KCNQ1: variants seen among roughly 807,000 people sequenced by gnomAD.
KCNQ1 encodes the protein potassium voltage-gated channel subfamily KQT member 1.
In KCNQ1, 49 loss-of-function variants were observed where a neutral mutation model predicts 72.4. The ratio of observed to expected loss-of-function variants is 0.68; its 90% CI spans 0.54 to 0.86. The LOEUF is 0.86. KCNQ1 is among the 40% of genes least tolerant of loss of function. The pLI, the probability that KCNQ1 is intolerant of heterozygous loss-of-function variation, is 0.00. For synonymous variants in KCNQ1, 450 were observed against 412.6 expected (o/e 1.09, Z -1.10); for missense variants, 790 against 945.1 (o/e 0.84, Z 2.15).
At chr11:2,472,379 GGTGT>G (rs200648241) in intron 1 of KCNQ1, among the ~76,000 whole-genome samples, 2,318 of 150,844 alleles carry the variant, frequency 0.015, 18 homozygotes, top group Non-Finnish European at 0.021. Flanking sequence ...TGTCTGTATA[GGTGT>G]GTGTGTTTGT....
intron 11 of KCNQ1, among the ~76,000 whole-genome samples, chr11:2,701,792 G>A (rs980676594): frequency 6.6e-6 from 1 of 152,116 alleles, no homozygotes; most frequent in African/African-American, 2.4e-5. Context: ...ATTATTCTCT[G>A]CCCCTGACCA....
chr11:2,650,923 C>A (rs1269638427), intron 10 of KCNQ1: 1 of 398,492 alleles, frequency 2.5e-6, no homozygotes, highest in Admixed American at 4.4e-5. Context: ...GGCTGAAAGT[C>A]TTTTTTAAAT....
rs979629265 is a variant in KCNQ1, at chr11:2,457,611, A to G, written c.386+12127A>G. Among the ~76,000 whole-genome samples the G allele has an allele frequency of 6.6e-6, 1 of 151,040 alleles. No homozygotes were observed. Among genetic ancestry groups the G allele is most frequent in the African/African-American group, 2.5e-5 (1 of 40,476 alleles). On this transcript the variant is annotated intron_variant, in intron 1 of 15. Transcript: ENST00000155840. The surrounding 1 kb of genome is among the most constrained non-coding windows in gnomAD (Gnocchi z 5.0). ...GGACATAATGATGAGAACAAGAGAC[A>G]CTGGGGAATACAAGAGTGGGGAGGG...
chr11:2,588,337 C>G lies in KCNQ1; in HGVS notation c.1252-376C>G, dbSNP rs1331888304. ...CCCCCAGATTTCCACACAGCCTGCTCCCTCACTTCAGGCGCCCTCTTCATG... is the reference window on the plus strand; with the variant it reads ...CCCCCAGATTTCCACACAGCCTGCTGCCTCACTTCAGGCGCCCTCTTCATG... On this transcript the variant is annotated intron_variant, in intron 9 of 15. Coordinates refer to ENST00000155840, the MANE Select transcript of KCNQ1 (RefSeq NM_000218.3). This position sits in a 1 kb window ranked among gnomAD's most constrained non-coding sequence, Gnocchi z 5.6. Among the ~76,000 whole-genome samples the G allele has an allele frequency of 2.0e-5, 3 of 152,174 alleles. No individual in the cohort carries two copies. Among genetic ancestry groups the G allele is most frequent in the Non-Finnish European group, 4.4e-5 (3 of 68,020 alleles).
At chr11:2,596,152 T>C (rs1848730225) in intron 10 of KCNQ1, among the ~76,000 whole-genome samples, 1 of 152,204 alleles carries the variant, frequency 6.6e-6, no homozygotes, top group African/African-American at 2.4e-5. Context: ...ATTATTATAT[T>C]ATATAAAATG....
chr11:2,734,026 C>T lies in KCNQ1; in HGVS notation c.1515-34818C>T, dbSNP rs1845911183. Among the ~76,000 whole-genome samples, 1 of 152,044 alleles carries T rather than the reference C, an allele frequency of 6.6e-6. No individual in the cohort carries two copies. The highest frequency in any genetic ancestry group is 1.5e-5 in the Non-Finnish European group (1 of 67,998). On this transcript the variant is annotated intron_variant, in intron 11 of 15. Coordinates refer to ENST00000155840, the MANE Select transcript of KCNQ1 (RefSeq NM_000218.3). This position sits in a 1 kb window ranked among gnomAD's most constrained non-coding sequence, Gnocchi z 7.0. ...CTCAGAGCAGTTGCGCGCTCTAAAT[C>T]AGGACCACCTTGCGGTTCTCCCAGC...
chr11:2,731,708 G>GA (rs1845861522), intron 11 of KCNQ1, among the ~76,000 whole-genome samples: 1 of 152,222 alleles, frequency 6.6e-6, no homozygotes. Flanking sequence ...AAAGGCGCCT[G>GA]AAGCAAGGGA....
chr11:2,774,461 A>G (rs1013827544), intron 12 of KCNQ1, among the ~76,000 whole-genome samples: 4 of 152,162 alleles, frequency 2.6e-5, no homozygotes, highest in African/African-American at 9.6e-5. Flanking sequence ...TTCAGGGCCC[A>G]GAGAGTGGCT....
intron 15 of KCNQ1, among the ~76,000 whole-genome samples, chr11:2,846,337 G>A (rs982638218): frequency 7.9e-5 from 12 of 152,200 alleles, no homozygotes; most frequent in Admixed American, 3.9e-4. Flanking sequence ...CTTATCGCGT[G>A]CTGATCTGTT....
chr11:2,808,945 A>T lies in KCNQ1; in HGVS notation c.1794+30908A>T, dbSNP rs1847431369. On this transcript the variant is annotated intron_variant, in intron 15 of 15. Transcript: ENST00000155840. The surrounding 1 kb of genome is among the most constrained non-coding windows in gnomAD (Gnocchi z 6.0). ...GGTGGACAGATGGAAGGATGGATGG[A>T]TATATGGATGCATGGAGAGACAGAG... Among the ~76,000 whole-genome samples, 1 of 151,218 alleles carries T rather than the reference A, an allele frequency of 6.6e-6. No individual in the cohort carries two copies.
chr11:2,603,218 G>A lies in KCNQ1; in HGVS notation c.1393+14364G>A. Among the ~76,000 whole-genome samples, 1 of 152,134 alleles carries A rather than the reference G, an allele frequency of 6.6e-6. No individual in the cohort carries two copies. On this transcript the variant is annotated intron_variant, in intron 10 of 15. Transcript: ENST00000155840. The surrounding 1 kb of genome is among the most constrained non-coding windows in gnomAD (Gnocchi z 4.1). ...TGCATATAAAAGTTATGTTTATATTGTAGTCTATTAAGTGTGCAATAGCCC... is the reference window on the plus strand; with the variant it reads ...TGCATATAAAAGTTATGTTTATATTATAGTCTATTAAGTGTGCAATAGCCC...
At chr11:2,448,361 G>A (rs1191094531) in intron 1 of KCNQ1, among the ~76,000 whole-genome samples, 1 of 152,220 alleles carries the variant, frequency 6.6e-6, no homozygotes, top group African/African-American at 2.4e-5. Flanking sequence ...AACTTTCCAG[G>A]GGTGTTGGCA....
At chr11:2,474,446 A>G (rs1396288288) in intron 1 of KCNQ1, among the ~76,000 whole-genome samples, 1 of 152,152 alleles carries the variant, frequency 6.6e-6, no homozygotes, top group African/African-American at 2.4e-5. Context: ...GCTGAGCAAA[A>G]CAGCAGCCGC....
At chr11:2,681,619 A>ACCCAACCTCC in intron 11 of KCNQ1, 1 of 91,188 alleles carries the variant, frequency 1.1e-5, no homozygotes, top group Non-Finnish European at 2.1e-5. Context: ...CCCCACCCCC[A>ACCCAACCTCC]CCCAACCTCC....
chr11:2,487,919 G>A (rs1846768885), intron 1 of KCNQ1, among the ~76,000 whole-genome samples: 1 of 152,048 alleles, frequency 6.6e-6, no homozygotes, highest in African/African-American at 2.4e-5. Flanking sequence ...TTGAATAGAA[G>A]TGGTGAAAGT....
intron 2 of KCNQ1, among the ~76,000 whole-genome samples, chr11:2,553,980 G>C (rs1022463289): frequency 7.9e-5 from 12 of 152,342 alleles, no homozygotes; most frequent in African/African-American, 2.9e-4. Flanking sequence ...ACCTTCCAAA[G>C]TGCTGGGATT....
chr11:2,445,113 CT>C lies in KCNQ1; in HGVS notation c.16del (p.Ser6ProfsTer80). ...CCCTCCTCGTTATGGCCGCGGCCTC[CT>C]CCCCGCCCAGGGCCGAGAGGAAGCG... MAAAS[S>X]PPRAERKRWG... On this transcript the variant is annotated frameshift_variant, in exon 1 of 16. Transcript: ENST00000155840. LOFTEE classifies it high-confidence loss of function. 9.1e-7 allele frequency: 1 copy of C among 1,097,048 alleles called. No homozygotes were observed. 68.0% of individuals were successfully genotyped at this position (1,097,048 alleles called of 1,614,324 possible). A position where few individuals can be genotyped will look rare whatever the true frequency, so the allele number is the denominator to read the frequency against.
At chr11:2,633,117 G>T (rs1849390333) in intron 10 of KCNQ1, 1 of 398,302 alleles carries the variant, frequency 2.5e-6, no homozygotes, top group Non-Finnish European at 4.4e-6. Context: ...TCTAACTGAG[G>T]TGAAATAATG....
chr11:2,739,590 T>C (rs1590062284), intron 11 of KCNQ1, among the ~76,000 whole-genome samples: 1 of 152,218 alleles, frequency 6.6e-6, no homozygotes, highest in Admixed American at 6.5e-5. Flanking sequence ...CAGGGGCTGG[T>C]GGTGTCCTGG....
Sources: gnomAD v4.1 joint callset for allele counts (sites outside exome capture counted in the v4.1 genomes callset) on GRCh38, gnomAD v4.1.1 for gene constraint, Gnocchi (gnomAD v3.1) non-coding constraint, MANE v1.5 for transcripts, NCBI Gene and HGNC (gene_info 2026-07-23, HGNC 2026-07-21) for gene names.